Variants in MYH9 observed in about 807,000 individuals in gnomAD.
MYH9 encodes the protein myosin heavy chain 9.
MYH9 carries 29 observed loss-of-function variants against 241.9 expected under a neutral mutation model. That is an observed-to-expected ratio of 0.12 (90% CI 0.09 to 0.16). The LOEUF (loss-of-function observed/expected upper bound fraction) is 0.16, where lower values mean the gene tolerates loss of function less well. Among genes scored for constraint, MYH9 ranks in the 10% least tolerant of loss-of-function variants. MYH9 has a pLI of 1.00. For missense variants in MYH9, 1,803 were observed against 2,595.5 expected, an observed-to-expected ratio of 0.69 and a Z score of 6.63; for synonymous variants, 1,047 against 1,062.6, an observed-to-expected ratio of 0.99 and a Z score of 0.29.
chr22:36,299,890 G>C (rs1480192957), intron 23 of MYH9, among the ~76,000 whole-genome samples: 1 of 152,130 alleles, frequency 6.6e-6, no homozygotes, highest in South Asian at 2.1e-4. Flanking sequence ...GCAAAGAAGA[G>C]CTTTCCAGAG....
chr22:36,306,046 G>C lies in MYH9; in HGVS notation c.2043C>G (p.Gly681=). The C allele has an allele frequency of 6.2e-7, 1 of 1,612,982 alleles. No individual in the cohort carries two copies. Among genetic ancestry groups the C allele is most frequent in the Non-Finnish European group, 8.5e-7 (1 of 1,180,018 alleles). ...CIIPNHEKKA[G]KLDPHLVLDQ... ...CCAGCACGAGATGCGGGTCCAGCTT[G>C]CCGGCCTGGAGAAGAAAACACATGC... The change falls in exon 17 of 41, where the codon GGC becomes GGG. Residue 681 remains glycine (G), a synonymous_variant. Transcript: ENST00000216181. The surrounding 1 kb of genome is among the most constrained non-coding windows in gnomAD (Gnocchi z 4.1).
chr22:36,351,188 C>CT (rs1363272175), intron 1 of MYH9, among the ~76,000 whole-genome samples: 3 of 152,164 alleles, frequency 2.0e-5, no homozygotes, highest in African/African-American at 4.8e-5. Context: ...AGGAAAAAAC[C>CT]TTTTTGCTGG....
At chr22:36,292,343 C>T in intron 30 of MYH9, 109 bp from the exon 31 acceptor site, 1 of 1,457,472 alleles carries the variant, frequency 6.9e-7, no homozygotes, top group Admixed American at 1.7e-5. Context: ...GAAGGGGCAC[C>T]AGGGATCTGC....
At chr22:36,335,481 C>T (rs895032237) in intron 3 of MYH9, among the ~76,000 whole-genome samples, 8 of 152,206 alleles carry the variant, frequency 5.3e-5, no homozygotes, top group East Asian at 1.9e-4. Flanking sequence ...GCTTCCATGG[C>T]GCTCCTTCCT....
rs1025946391 is a variant in MYH9 at position 36,289,392 on chromosome 22, A to C, written c.4345-95T>G. 5.8e-6 allele frequency: 7 copies of C among 1,201,238 alleles called. No individual in the cohort carries two copies. The African/African-American group carries it at 9.1e-5, about 16-fold the overall frequency. 74.4% of individuals were successfully genotyped at this position (1,201,238 alleles called of 1,614,324 possible). ...GCTCCCTGGGGAAGGAGGAGCCCAGAGGCCACGGTGGAGAGGAGCAGGCCT... is the reference window on the plus strand; with the variant it reads ...GCTCCCTGGGGAAGGAGGAGCCCAGCGGCCACGGTGGAGAGGAGCAGGCCT... On this transcript the variant is annotated intron_variant, in intron 31 of 40. Coordinates refer to ENST00000216181, the MANE Select transcript of MYH9 (RefSeq NM_002473.6).
chr22:36,285,887 T>A lies in MYH9; in HGVS notation c.5128A>T (p.Ile1710Phe). 6.2e-7 allele frequency: 1 copy of A among 1,613,334 alleles called. No homozygotes were observed. ...QQERDELADEIANSSGKGALA... is the reference protein window; with the variant it reads ...QQERDELADEFANSSGKGALA... The stretch of plus-strand genomic sequence containing the variant: ...CACCCTTTGCCGCTGCTGTTGGCGA[T>A]CTCGTCAGCCAGCTCATCCCGCTCC... The change falls in exon 36 of 41, where the codon ATC (isoleucine) becomes TTC (phenylalanine). Residue 1710 changes from isoleucine to phenylalanine, a missense_variant. By Grantham distance (21) the Ile-to-Phe change is conservative. Around this residue, in one of 11 missense-constraint regions of MYH9, gnomAD observed 876 missense variants for 1,077.8 expected, o/e 0.81. Coordinates refer to ENST00000216181, the MANE Select transcript of MYH9 (RefSeq NM_002473.6). The surrounding 1 kb of genome is among the most constrained non-coding windows in gnomAD (Gnocchi z 7.0).
chr22:36,289,815 T>C (rs535972969), intron 31 of MYH9, among the ~76,000 whole-genome samples: 16 of 152,228 alleles, frequency 1.1e-4, no homozygotes, highest in Middle Eastern at 3.4e-3. Context: ...AAACCTTAAT[T>C]ATCCCATGGG....
chr22:36,311,828 C>T lies in MYH9; in HGVS notation c.1728+221G>A, dbSNP rs9622377. Among the ~76,000 whole-genome samples, 80,063 of 151,972 alleles carry T rather than the reference C, an allele frequency of 0.53. 23,750 individuals carry two copies. The highest frequency in any genetic ancestry group is 0.68 in the Non-Finnish European group (45,891 of 67,938). On this transcript the variant is annotated intron_variant, in intron 14 of 40. Transcript: ENST00000216181. ...CCAGCCTGGGCACCGCGGTGGAGTG[C>T]CGCAGGCTTCTAACAGCATGGAGCA...
chr22:36,294,860 A>G, intron 27 of MYH9, 72 bp downstream of exon 27: 1 of 1,594,884 alleles, frequency 6.3e-7, no homozygotes, highest in East Asian at 2.2e-5. Context: ...GCTCTGCAGG[A>G]CTGGTTTGGA....
At chr22:36,297,904 G>A (rs1003803308) in intron 24 of MYH9, among the ~76,000 whole-genome samples, 1 of 152,222 alleles carries the variant, frequency 6.6e-6, no homozygotes, top group Non-Finnish European at 1.5e-5. Context: ...AGTCCCAGCA[G>A]CAGCATATGT....
Position 36,309,387 on chromosome 22 carries a change from T to C in MYH9, c.1738A>G (p.Lys580Glu). ...TTCTTCATCAGCCACTCGTCAGCTT[T>C]GTAATCCACCTGGCGGGGTCAGAGA... The part of the protein sequence containing the change: ...IIHYAGKVDY[K>E]ADEWLMKNMD... The change falls in exon 15 of 41, where the codon AAA becomes GAA. Residue 580 changes from lysine to glutamate, a missense_variant. Physicochemically the swap from Lys to Glu is moderately conservative, Grantham distance 56. Coordinates refer to ENST00000216181, the MANE Select transcript of MYH9 (RefSeq NM_002473.6). The C allele has an allele frequency of 6.2e-7, 1 of 1,614,096 alleles. No homozygotes were observed. The highest frequency in any genetic ancestry group is 8.5e-7 in the Non-Finnish European group (1 of 1,179,956).
rs996781341 is a variant in MYH9 at position 36,293,534 on chromosome 22, C to T, written c.3943-53G>A. Reference sequence around the variant, plus strand: ...TGCTTAGGAGGGTGGTGTCCAAAACCCAGGAACCCCACACCCTTGAGGAGA... The same window carrying T: ...TGCTTAGGAGGGTGGTGTCCAAAACTCAGGAACCCCACACCCTTGAGGAGA... On this transcript the variant is annotated intron_variant, in intron 29 of 40. Transcript: ENST00000216181. The surrounding 1 kb of genome is among the most constrained non-coding windows in gnomAD (Gnocchi z 5.1). 1 of 1,603,904 alleles carries T rather than the reference C, an allele frequency of 6.2e-7. No homozygotes were observed. Among genetic ancestry groups the T allele is most frequent in the Admixed American group, 1.7e-5 (1 of 59,972 alleles).
In MYH9 at chr22:36,326,428, A is replaced by G. The variant is rs1207672766; in HGVS notation, c.612+140T>C. 5 of 853,512 alleles carry G rather than the reference A, an allele frequency of 5.9e-6. No homozygotes were observed. In the East Asian group the frequency reaches 9.7e-5, roughly 17 times the overall value. 52.9% of individuals were successfully genotyped at this position (853,512 alleles called of 1,614,324 possible). A position where few individuals can be genotyped will look rare whatever the true frequency, so the allele number is the denominator to read the frequency against. On this transcript the variant is annotated intron_variant, in intron 5 of 40. Transcript: ENST00000216181. The stretch of plus-strand genomic sequence containing the variant: ...CCAGGACAGGCCACGCCACTGCCTC[A>G]ATGGAAATGGGCCCAGCCTCTGCTT...
Position 36,302,813 on chromosome 22 carries a change from C to G in MYH9, c.2391-137G>C, listed in dbSNP as rs1603483097. On this transcript the variant is annotated intron_variant, in intron 19 of 40. Coordinates refer to ENST00000216181, the MANE Select transcript of MYH9 (RefSeq NM_002473.6). ...CAAGAAAGAAATTCAGGGAAGGGGT[C>G]TGGCCTTGGGGTTGAGATAAGTTTC... 4 of 724,442 alleles carry G rather than the reference C, an allele frequency of 5.5e-6. No homozygotes were observed. In the East Asian group the frequency reaches 1.1e-4, roughly 20 times the overall value. 44.9% of individuals were successfully genotyped at this position (724,442 alleles called of 1,614,324 possible).
intron 2 of MYH9, among the ~76,000 whole-genome samples, chr22:36,345,848 T>C (rs1041975226): frequency 6.6e-6 from 1 of 152,074 alleles, no homozygotes; most frequent in Non-Finnish European, 1.5e-5. Flanking sequence ...CCACCTGCCA[T>C]GTTAGAAGGC....
chr22:36,365,269 T>C lies in MYH9; in HGVS notation c.-19-16014A>G, dbSNP rs534298387. ...CATGATTTATTCCACCCCAGGAAGG[T>C]AGCTCATTTCCCAGAATTTTGTTAA... On this transcript the variant is annotated intron_variant, in intron 1 of 40. Transcript: ENST00000216181. Among the ~76,000 whole-genome samples the C allele has an allele frequency of 3.9e-5, 6 of 152,222 alleles. No homozygotes were observed. In the East Asian group the frequency reaches 1.2e-3, roughly 30 times the overall value.
At chr22:36,312,018 T>A (rs200613849) in intron 14 of MYH9, 31 bp downstream of exon 14, 1 of 1,613,180 alleles carries the variant, frequency 6.2e-7, no homozygotes, top group Admixed American at 1.7e-5. Context: ...TGTGAAGATC[T>A]GGCCAGCACC....
chr22:36,318,347 G>C, intron 10 of MYH9, 22 bp from the exon 11 acceptor site: 1 of 1,579,740 alleles, frequency 6.3e-7, no homozygotes, highest in Non-Finnish European at 8.7e-7. Context: ...CAGAGAATAA[G>C]AGAGGGACAA....
chr22:36,346,366 T>C (rs559043113), intron 2 of MYH9, among the ~76,000 whole-genome samples: 49 of 152,322 alleles, frequency 3.2e-4, no homozygotes, highest in African/African-American at 1.0e-3. Context: ...ATGGCTCCCA[T>C]TGAAGGCTTT....
Sources: gnomAD v4.1 joint callset for allele counts (sites outside exome capture counted in the v4.1 genomes callset) on GRCh38, gnomAD v4.1.1 for gene constraint, gnomAD v4.1.1 regional missense constraint, Gnocchi (gnomAD v3.1) non-coding constraint, MANE v1.5 for transcripts, NCBI Gene and HGNC (gene_info 2026-07-23, HGNC 2026-07-21) for gene names.